The following KIAA0513 variants were observed in gnomAD, a reference collection of about 807,000 sequenced individuals.
The protein encoded by KIAA0513 is uncharacterized protein KIAA0513.
Under a neutral mutation model 56.5 loss-of-function variants are expected in KIAA0513, and 39 were observed. That is an observed-to-expected ratio of 0.69 (90% CI 0.53 to 0.90). The LOEUF is 0.90. KIAA0513 is among the 40% of genes least tolerant of loss of function. The probability of loss-of-function intolerance (pLI) is 0.00; values close to 1 mark genes in which losing one functional copy is unlikely to be tolerated. For synonymous variants in KIAA0513, 268 were observed against 215.6 expected, an observed-to-expected ratio of 1.24 and a Z score of -2.13; for missense variants, 591 against 535.2, an observed-to-expected ratio of 1.10 and a Z score of -1.03.
chr16:85,032,249 C>T (rs933663665), intron 1 of KIAA0513, among the ~76,000 whole-genome samples: 4 of 152,208 alleles, frequency 2.6e-5, no homozygotes, highest in Non-Finnish European at 4.4e-5. Context: ...TGTTTGTCTC[C>T]ACTTCATGTC....
intron 1 of KIAA0513, among the ~76,000 whole-genome samples, chr16:85,059,931 A>C (rs190980380): frequency 1.3e-5 from 2 of 152,092 alleles, no homozygotes; most frequent in African/African-American, 2.4e-5. Context: ...TACAGATTCA[A>C]ATGATTTCCC....
intron 8 of KIAA0513, 59 bp downstream of exon 8, chr16:85,079,062 C>G: frequency 6.2e-7 from 1 of 1,613,188 alleles, no homozygotes; most frequent in Non-Finnish European, 8.5e-7. Flanking sequence ...GCAGTCACTC[C>G]CCGGGATCAC....
Position 85,076,790 on chromosome 16 carries a change from GCTC to G in KIAA0513, c.575-629_575-627del, listed in dbSNP as rs1183121178. Among the ~76,000 whole-genome samples, 11 of 152,166 alleles carry G rather than the reference GCTC, an allele frequency of 7.2e-5. No individual in the cohort carries two copies. The highest frequency in any genetic ancestry group is 1.3e-4 in the Non-Finnish European group (9 of 68,018). ...TAGGAACCCCCCAGTACAACCTGTGGCTCCTCCTTTTTGAAGAACGGATAGACA... is the reference window on the plus strand; with the variant it reads ...TAGGAACCCCCCAGTACAACCTGTGGCTCCTTTTTGAAGAACGGATAGACA... On this transcript the variant is annotated intron_variant, in intron 5 of 12. Coordinates refer to ENST00000683363, the MANE Select transcript of KIAA0513 (RefSeq NM_001388359.1). This position sits in a 1 kb window ranked among gnomAD's most constrained non-coding sequence, Gnocchi z 4.7.
At position 85,094,001 on chromosome 16, in the gene KIAA0513, C is replaced by G. The variant is rs1361902902; in HGVS notation, c.*5676C>G. On this transcript the variant is annotated 3_prime_UTR_variant, in exon 13 of 13. Coordinates refer to ENST00000683363, the MANE Select transcript of KIAA0513 (RefSeq NM_001388359.1). The stretch of plus-strand genomic sequence containing the variant: ...CAGACATTACCTTGTTGGTAGCCCC[C>G]AAGTGGCGTGCAGTGACACCAGTAT... The G allele has an allele frequency of 6.6e-6, 1 of 152,188 alleles. No homozygotes were observed. Among genetic ancestry groups the G allele is most frequent in the Non-Finnish European group, 1.5e-5 (1 of 68,044 alleles). The allele number at this position is 152,188 out of a possible 1,614,324, so 9.4% of individuals were successfully genotyped here. A position where few individuals can be genotyped will look rare whatever the true frequency, so the allele number is the denominator to read the frequency against.
intron 1 of KIAA0513, among the ~76,000 whole-genome samples, chr16:85,044,254 G>T (rs1385972811): frequency 6.6e-6 from 1 of 152,178 alleles, no homozygotes; most frequent in African/African-American, 2.4e-5. Context: ...ACTGAGGAGA[G>T]GTGAACCAGT....
intron 1 of KIAA0513, among the ~76,000 whole-genome samples, chr16:85,057,456 T>C (rs2073345640): frequency 6.6e-6 from 1 of 152,224 alleles, no homozygotes; most frequent in Non-Finnish European, 1.5e-5. Context: ...TTGCAGACTA[T>C]GGCAGGTGTG....
At chr16:85,051,566 C>G (rs1161155646) in intron 1 of KIAA0513, among the ~76,000 whole-genome samples, 11 of 152,186 alleles carry the variant, frequency 7.2e-5, no homozygotes, top group African/African-American at 2.7e-4. Context: ...CTTGCTGGAA[C>G]TCCTCTGCAG....
chr16:85,079,287 T>C (rs911944178), intron 8 of KIAA0513: 3 of 478,846 alleles, frequency 6.3e-6, no homozygotes, highest in Non-Finnish European at 1.1e-5. Context: ...ACCCAGCAGC[T>C]CCACTCCTAG....
chr16:85,052,953 C>T (rs974373830), intron 1 of KIAA0513, among the ~76,000 whole-genome samples: 12 of 152,050 alleles, frequency 7.9e-5, no homozygotes, highest in East Asian at 7.7e-4. Flanking sequence ...TGCAGTGGCA[C>T]GATCTCGGCT....
intron 9 of KIAA0513, among the ~76,000 whole-genome samples, chr16:85,082,074 C>T (rs1020967327): frequency 6.6e-6 from 1 of 152,266 alleles, no homozygotes; most frequent in Admixed American, 6.5e-5. Context: ...CATCCCTCCC[C>T]CTGTAACACT....
At chr16:85,047,633 G>C (rs1277119373) in intron 1 of KIAA0513, among the ~76,000 whole-genome samples, 3 of 152,168 alleles carry the variant, frequency 2.0e-5, no homozygotes, top group Non-Finnish European at 4.4e-5. Flanking sequence ...CACCACTGCC[G>C]CTGTGGAATT....
intron 1 of KIAA0513, among the ~76,000 whole-genome samples, chr16:85,048,806 A>G (rs1364612934): frequency 6.6e-6 from 1 of 152,212 alleles, no homozygotes; most frequent in African/African-American, 2.4e-5. Flanking sequence ...TCAACCAGAT[A>G]AGGGAGGATT....
rs1379838067 is a variant in KIAA0513 at position 85,092,689 on chromosome 16, T to C, written c.*4364T>C. On this transcript the variant is annotated 3_prime_UTR_variant, in exon 13 of 13. Coordinates refer to ENST00000683363, the MANE Select transcript of KIAA0513 (RefSeq NM_001388359.1). Reference sequence around the variant, plus strand: ...CCTTGTCCTGTAAATCGTGTATTCATGTTGATGATTCTTGGAGATAGGTTT... The same window carrying C: ...CCTTGTCCTGTAAATCGTGTATTCACGTTGATGATTCTTGGAGATAGGTTT... 2 of 152,244 alleles carry C rather than the reference T, an allele frequency of 1.3e-5. No homozygotes were observed. Among genetic ancestry groups the C allele is most frequent in the African/African-American group, 2.4e-5 (1 of 41,460 alleles). 9.4% of individuals were successfully genotyped at this position (152,244 alleles called of 1,614,324 possible). A position where few individuals can be genotyped will look rare whatever the true frequency, so the allele number is the denominator to read the frequency against.
At chr16:85,067,755 C>G (rs2073509560) in intron 2 of KIAA0513, among the ~76,000 whole-genome samples, 1 of 152,172 alleles carries the variant, frequency 6.6e-6, no homozygotes, top group African/African-American at 2.4e-5. Flanking sequence ...TCACAGGTCC[C>G]CATCATCCCC....
At chr16:85,031,676 T>C (rs1478306696) in intron 1 of KIAA0513, among the ~76,000 whole-genome samples, 2 of 152,156 alleles carry the variant, frequency 1.3e-5, no homozygotes, top group Non-Finnish European at 2.9e-5. Flanking sequence ...TGACTCTGCC[T>C]CAGGACCTTT....
rs1203267255 is a variant in KIAA0513 at position 85,090,228 on chromosome 16, C to T, written c.*1903C>T. ...CTCCTGCAGCGTCCAGCCACGGCTC[C>T]AGGGCACTGCTCTCCTCCTTGCACC... On this transcript the variant is annotated 3_prime_UTR_variant, in exon 13 of 13. Transcript: ENST00000683363. 4 of 152,350 alleles carry T rather than the reference C, an allele frequency of 2.6e-5. No homozygotes were observed. Among genetic ancestry groups the T allele is most frequent in the Non-Finnish European group, 4.4e-5 (3 of 68,072 alleles). The allele number at this position is 152,350 out of a possible 1,614,324, so 9.4% of individuals were successfully genotyped here.
intron 1 of KIAA0513, among the ~76,000 whole-genome samples, chr16:85,050,638 G>A (rs940037462): frequency 1.3e-5 from 2 of 152,146 alleles, no homozygotes; most frequent in African/African-American, 4.8e-5. Flanking sequence ...TATAACCATG[G>A]TGTTTCTTTT....
Position 85,081,252 on chromosome 16 carries a change from C to A in KIAA0513, c.903-63C>A. 1 of 1,460,108 alleles carries A rather than the reference C, an allele frequency of 6.8e-7. No homozygotes were observed. The highest frequency in any genetic ancestry group is 9.6e-7 in the Non-Finnish European group (1 of 1,041,448). 90.4% of individuals were successfully genotyped at this position (1,460,108 alleles called of 1,614,324 possible). On this transcript the variant is annotated intron_variant, in intron 8 of 12. Transcript: ENST00000683363. This position sits in a 1 kb window ranked among gnomAD's most constrained non-coding sequence, Gnocchi z 4.4. ...CTGCCCTTGTTTATCCCTCAAGGGG[C>A]CCACAACCCGTGTCCTCCCCGCCTC...
At chr16:85,074,339 C>CACAT (rs1185489435) in intron 4 of KIAA0513, among the ~76,000 whole-genome samples, 2 of 129,530 alleles carry the variant, frequency 1.5e-5, no homozygotes, top group Non-Finnish European at 3.3e-5. Context: ...TATATATACA[C>CACAT]ACATACACAC....
Sources: gnomAD v4.1 joint callset for allele counts (sites outside exome capture counted in the v4.1 genomes callset) on GRCh38, gnomAD v4.1.1 for gene constraint, Gnocchi (gnomAD v3.1) non-coding constraint, MANE v1.5 for transcripts, NCBI Gene and HGNC (gene_info 2026-07-23, HGNC 2026-07-21) for gene names.